TMEM94: variants seen among roughly 807,000 people sequenced by gnomAD.
The protein encoded by TMEM94 is transmembrane protein 94.
A neutral mutation model predicts 158.6 loss-of-function variants in TMEM94; 81 were observed. That is an observed-to-expected ratio of 0.51 (90% CI 0.43 to 0.61). The LOEUF is 0.61. Ranked by LOEUF, TMEM94 falls within the 20% of genes least tolerant of loss-of-function variation. The probability of loss-of-function intolerance (pLI) is 0.00; values close to 1 mark genes in which losing one functional copy is unlikely to be tolerated. For synonymous variants in TMEM94, 751 were observed against 730.7 expected, an observed-to-expected ratio of 1.03 and a Z score of -0.45; for missense variants, 1,435 against 1,762.0, an observed-to-expected ratio of 0.81 and a Z score of 3.32.
rs959248927 is a variant in TMEM94, at chr17:75,489,392, G to A, written c.867+24G>A. 6.2e-7 allele frequency: 1 copy of A among 1,605,892 alleles called. No homozygotes were observed. Among genetic ancestry groups the A allele is most frequent in the Non-Finnish European group, 8.5e-7 (1 of 1,172,524 alleles). On this transcript the variant is annotated intron_variant, in intron 8 of 31. Coordinates refer to ENST00000314256, the MANE Select transcript of TMEM94 (RefSeq NM_014738.6). This position sits in a 1 kb window ranked among gnomAD's most constrained non-coding sequence, Gnocchi z 5.0. ...TGGTGCGTGTGGCGGGGCTGTGCGGGGCTGCATGGGGCAGAGGAGAGGGCT... is the reference window on the plus strand; with the variant it reads ...TGGTGCGTGTGGCGGGGCTGTGCGGAGCTGCATGGGGCAGAGGAGAGGGCT...
At chr17:75,497,692 C>G (rs1177845386) in intron 26 of TMEM94, 89 bp from the exon 27 acceptor site, 2 of 1,041,084 alleles carry the variant, frequency 1.9e-6, no homozygotes, top group Non-Finnish European at 3.0e-6. Flanking sequence ...CTCGACCTCA[C>G]GCGCAAGACT....
chr17:75,469,567 A>G (rs1367040039), intron 1 of TMEM94, among the ~76,000 whole-genome samples: 19 of 150,416 alleles, frequency 1.3e-4, no homozygotes, highest in Non-Finnish European at 7.4e-5. Context: ...CTGGTCTGGA[A>G]CTCCTGACCT....
chr17:75,498,136 G>T lies in TMEM94; in HGVS notation c.3490-39G>T. The T allele has an allele frequency of 6.2e-7, 1 of 1,609,312 alleles. No homozygotes were observed. Among genetic ancestry groups the T allele is most frequent in the Non-Finnish European group, 8.5e-7 (1 of 1,176,952 alleles). On this transcript the variant is annotated intron_variant, in intron 27 of 31. Transcript: ENST00000314256. The surrounding 1 kb of genome is among the most constrained non-coding windows in gnomAD (Gnocchi z 6.7). ...AAGAGCTAGGAGCAGCCGGCAGAGG[G>T]GCTGTGCGCCCCAGGAGTGACTGGC...
At position 75,495,792 on chromosome 17, in the gene TMEM94, T is replaced by G; in HGVS notation, c.2944+149T>G. On this transcript the variant is annotated intron_variant, in intron 22 of 31. Coordinates refer to ENST00000314256, the MANE Select transcript of TMEM94 (RefSeq NM_014738.6). The surrounding 1 kb of genome is among the most constrained non-coding windows in gnomAD (Gnocchi z 5.6). ...GGCTGGGATCAGCTGGGGAATCTTG[T>G]GGGTTGGAGTCAGAAGTGCCGATGT... 1.2e-6 allele frequency: 1 copy of G among 868,344 alleles called. No individual in the cohort carries two copies. The highest frequency in any genetic ancestry group is 1.8e-6 in the Non-Finnish European group (1 of 548,572). The allele number at this position is 868,344 out of a possible 1,614,324, so 53.8% of individuals were successfully genotyped here.
chr17:75,497,163 C>A lies in TMEM94; in HGVS notation c.3372C>A (p.Ile1124=), dbSNP rs370570991. ...QLPPLLSTTD[I]LWLSCFCYPL... ...CGCCACTCCTGAGTACCACCGACAT[C>A]CTGTGGCTGTCCTGCTTTTGCTACC... The change falls in exon 26 of 32, where the codon ATC becomes ATA. Residue 1124 remains isoleucine (I), a synonymous_variant. Transcript: ENST00000314256. The A allele has an allele frequency of 1.4e-5, 23 of 1,613,946 alleles. No homozygotes were observed. Among genetic ancestry groups the A allele is most frequent in the Non-Finnish European group, 1.9e-5 (23 of 1,180,018 alleles).
intron 2 of TMEM94, among the ~76,000 whole-genome samples, chr17:75,479,444 C>T (rs949980187): frequency 5.3e-5 from 8 of 152,020 alleles, no homozygotes; most frequent in Admixed American, 6.6e-5. Context: ...CTCAGCCTCC[C>T]GAGTAGGTGA....
Position 75,498,632 on chromosome 17 carries a change from T to TC in TMEM94, c.3738dup (p.Ile1247HisfsTer79), listed in dbSNP as rs1379955022. The TC allele has an allele frequency of 1.9e-6, 3 of 1,611,258 alleles. No homozygotes were observed. The highest frequency in any genetic ancestry group is 2.5e-6 in the Non-Finnish European group (3 of 1,178,540). On this transcript the variant is annotated frameshift_variant, in exon 30 of 32. Coordinates refer to ENST00000314256, the MANE Select transcript of TMEM94 (RefSeq NM_014738.6). LOFTEE classifies it high-confidence loss of function. This position sits in a 1 kb window ranked among gnomAD's most constrained non-coding sequence, Gnocchi z 6.7. ...CACATCGCCCCACCTTCCCCAGTCT[T>TC]CATTTCCATCACCCATGTGCATCGC... is the stretch of plus-strand genomic sequence containing the variant.
chr17:75,495,229 G>T lies in TMEM94; in HGVS notation c.2729-55G>T. The T allele has an allele frequency of 1.4e-6, 2 of 1,475,160 alleles. No individual in the cohort carries two copies. The highest frequency in any genetic ancestry group is 4.6e-5 in the East Asian group (2 of 43,380). The allele number at this position is 1,475,160 out of a possible 1,614,324, so 91.4% of individuals were successfully genotyped here. On this transcript the variant is annotated intron_variant, in intron 20 of 31. Coordinates refer to ENST00000314256, the MANE Select transcript of TMEM94 (RefSeq NM_014738.6). The surrounding 1 kb of genome is among the most constrained non-coding windows in gnomAD (Gnocchi z 5.6). ...GGCAAAAAATTCTCTGCAGGGCAAGGACAGGTTCCCAGAAGGCTGGTCCCA... is the reference window on the plus strand; with the variant it reads ...GGCAAAAAATTCTCTGCAGGGCAAGTACAGGTTCCCAGAAGGCTGGTCCCA...
rs1247435817 is a variant in TMEM94 at position 75,497,804 on chromosome 17, C to T, written c.3431C>T (p.Pro1144Leu). The T allele has an allele frequency of 9.9e-6, 16 of 1,613,950 alleles. No homozygotes were observed. The highest frequency in any genetic ancestry group is 1.3e-5 in the Non-Finnish European group (15 of 1,179,948). ...LLSISLLGKP[P>L]HSSIMSMATG... ...AGCATCTCTCTGCTGGGGAAGCCCC[C>T]CCATAGCTCCATCATGTCTATGGCA... Residue 1144 changes from proline (P) to leucine (L), a missense_variant, in exon 27 of 32, where the codon CCC becomes CTC. Pro to Leu is a moderately conservative substitution (Grantham distance 98). Around this residue, in one of 3 missense-constraint regions of TMEM94, gnomAD observed 335 missense variants for 409.1 expected, o/e 0.82. Transcript: ENST00000314256.
In TMEM94 at chr17:75,491,723, C is replaced by T; in HGVS notation, c.1419C>T (p.Ser473=). ...PHERDALLAG[S]LNNTLHLSNE... is the part of the protein sequence containing the mutation. Reference sequence around the variant, plus strand: ...AACGAGACGCCCTCCTGGCTGGCTCCCTGAACAACACCCTGCACCTTTCCA... The same window carrying T: ...AACGAGACGCCCTCCTGGCTGGCTCTCTGAACAACACCCTGCACCTTTCCA... Residue 473 remains serine, a synonymous_variant, in exon 14 of 32, where the codon TCC becomes TCT. Coordinates refer to ENST00000314256, the MANE Select transcript of TMEM94 (RefSeq NM_014738.6). This position sits in a 1 kb window ranked among gnomAD's most constrained non-coding sequence, Gnocchi z 5.1. 6.2e-7 allele frequency: 1 copy of T among 1,614,094 alleles called. No individual in the cohort carries two copies. The highest frequency in any genetic ancestry group is 8.5e-7 in the Non-Finnish European group (1 of 1,180,026).
intron 2 of TMEM94, among the ~76,000 whole-genome samples, chr17:75,475,416 G>C (rs2050646123): frequency 6.6e-6 from 1 of 152,174 alleles, no homozygotes; most frequent in African/African-American, 2.4e-5. Flanking sequence ...ACATGCTCAG[G>C]CTCCAGCTCA....
intron 26 of TMEM94, 135 bp downstream of exon 26, chr17:75,497,333 AC>A (rs1295739539): frequency 5.6e-6 from 3 of 536,946 alleles, no homozygotes; most frequent in South Asian, 5.4e-5. Flanking sequence ...CATGGAGGGA[AC>A]CCCCTTTGTC....
rs537703261 is a variant in TMEM94, at chr17:75,498,887, C to G, written c.3828-25C>G. 3.3e-6 allele frequency: 5 copies of G among 1,532,172 alleles called. No homozygotes were observed. The African/African-American group carries it at 6.8e-5, about 21-fold the overall frequency. The allele number at this position is 1,532,172 out of a possible 1,614,324, so 94.9% of individuals were successfully genotyped here. A position where few individuals can be genotyped will look rare whatever the true frequency, so the allele number is the denominator to read the frequency against. ...GGAAGGAAGCAAGCAGTGTCGGGTT[C>G]ACACGGGGCCGCCACCTCCTGCAGG... On this transcript the variant is annotated intron_variant, in intron 30 of 31. Transcript: ENST00000314256. This position sits in a 1 kb window ranked among gnomAD's most constrained non-coding sequence, Gnocchi z 6.7.
Position 75,485,472 on chromosome 17 carries a change from C to T in TMEM94, c.69C>T (p.Leu23=). The T allele has an allele frequency of 6.2e-7, 1 of 1,614,168 alleles. No homozygotes were observed. Among genetic ancestry groups the T allele is most frequent in the African/African-American group, 1.3e-5 (1 of 75,062 alleles). ...SALGLSTRKA[L]SVLKEQLEAV... ...TGGGCCTGTCCACGCGGAAGGCCCT[C>T]AGCGTCCTGAAGGAGCAGCTGGAGG... Residue 23 remains leucine (L), a synonymous_variant, in exon 3 of 32, where the codon CTC becomes CTT. Transcript: ENST00000314256. This position sits in a 1 kb window ranked among gnomAD's most constrained non-coding sequence, Gnocchi z 5.5.
chr17:75,499,327 C>T lies in TMEM94; in HGVS notation c.4064C>T (p.Pro1355Leu). 1 of 1,613,652 alleles carries T rather than the reference C, an allele frequency of 6.2e-7. No homozygotes were observed. Among genetic ancestry groups the T allele is most frequent in the Non-Finnish European group, 8.5e-7 (1 of 1,179,928 alleles). ...QFETKLGMNS[P>L]F ...GAAACTAAGCTGGGCATGAACTCTC[C>T]CTTCTGAGCCACTGGCTGTGGTGGC... The change falls in exon 32 of 32, where the codon CCC becomes CTC. Residue 1355 changes from proline (P) to leucine (L), a missense_variant. Physicochemically the swap from Pro to Leu is moderately conservative, Grantham distance 98. Transcript: ENST00000314256.
intron 1 of TMEM94, among the ~76,000 whole-genome samples, chr17:75,459,172 CTA>C (rs1240223146): frequency 6.6e-6 from 1 of 152,224 alleles, no homozygotes; most frequent in Non-Finnish European, 1.5e-5. Flanking sequence ...GTCTTAGCTG[CTA>C]TGTTAGCTCT....
Position 75,489,575 on chromosome 17 carries a change from G to T in TMEM94, c.868-1G>T, listed in dbSNP as rs763964941. 6.2e-7 allele frequency: 1 copy of T among 1,613,964 alleles called. No individual in the cohort carries two copies. Among genetic ancestry groups the T allele is most frequent in the African/African-American group, 1.3e-5 (1 of 75,026 alleles). ...GGCTGTGCCTCTGCTGTTCCCAACA[G>T]GCCGGCTTCCTCATCACCAATGCCC... On this transcript the variant is annotated splice_acceptor_variant, in intron 8 of 31. Coordinates refer to ENST00000314256, the MANE Select transcript of TMEM94 (RefSeq NM_014738.6). LOFTEE classifies it high-confidence loss of function. This position sits in a 1 kb window ranked among gnomAD's most constrained non-coding sequence, Gnocchi z 5.0.
chr17:75,497,290 C>A, intron 26 of TMEM94, 92 bp downstream of exon 26: 1 of 937,036 alleles, frequency 1.1e-6, no homozygotes, highest in Non-Finnish European at 1.7e-6. Flanking sequence ...GGTTCTGGAA[C>A]TGCTCAGGTC....
Position 75,493,485 on chromosome 17 carries a change from C to A in TMEM94, c.2087-6C>A, listed in dbSNP as rs777276790. ...CGACACTCAGGGTTTGAACTCTCTC[C>A]CCCAGGCACAGAGCAGATGCTGTCC... is the stretch of plus-strand genomic sequence containing the variant. On this transcript the variant is annotated splice_polypyrimidine_tract_variant and splice_region_variant and intron_variant, in intron 16 of 31. Coordinates refer to ENST00000314256, the MANE Select transcript of TMEM94 (RefSeq NM_014738.6). 1.5e-5 allele frequency: 24 copies of A among 1,613,302 alleles called. No individual in the cohort carries two copies. Among genetic ancestry groups the A allele is most frequent in the Non-Finnish European group, 1.9e-5 (22 of 1,179,552 alleles).
Sources: allele counts gnomAD v4.1 joint callset (sites outside exome capture counted in the v4.1 genomes callset), GRCh38; gene constraint gnomAD v4.1.1; regional missense constraint gnomAD v4.1.1; non-coding constraint Gnocchi (gnomAD v3.1); transcripts MANE v1.5; gene names NCBI Gene and HGNC (gene_info 2026-07-23, HGNC 2026-07-21).